The following DPH6 variants were observed in gnomAD, a reference collection of about 807,000 sequenced individuals.
The protein encoded by DPH6 is diphthamine biosynthesis 6, also known as diphthine--ammonia ligase.
A neutral mutation model predicts 38.2 loss-of-function variants in DPH6; 33 were observed. The ratio of observed to expected loss-of-function variants is 0.86; its 90% confidence interval spans 0.65 to 1.15. The LOEUF (loss-of-function observed/expected upper bound fraction) is 1.15. DPH6 is among the 50% of genes most tolerant of loss of function. The pLI, the probability that DPH6 is intolerant of heterozygous loss-of-function variation, is 0.00. For missense variants in DPH6, 325 were observed against 320.0 expected (o/e 1.02, Z -0.12); for synonymous variants, 108 against 103.0 (o/e 1.05, Z -0.30).
At chr15:35,495,405 G>A (rs2054536289) in intron 3 of DPH6, among the ~76,000 whole-genome samples, 1 of 152,110 alleles carries the variant, frequency 6.6e-6, no homozygotes, top group African/African-American at 2.4e-5. Context: ...GATCTTGGAC[G>A]CTCCAGAAGT....
intron 3 of DPH6, among the ~76,000 whole-genome samples, chr15:35,276,967 AGAT>A (rs1566857535): frequency 6.6e-6 from 1 of 152,134 alleles, no homozygotes; most frequent in African/African-American, 2.4e-5. Context: ...CTGTGAAGAA[AGAT>A]GATGATATTT....
At chr15:35,522,404 A>G (rs1431546894) in intron 3 of DPH6, 6 of 856,018 alleles carry the variant, frequency 7.0e-6, no homozygotes, top group Non-Finnish European at 8.7e-6. Context: ...TATTAATACA[A>G]CAGGACTGCA....
At chr15:35,297,096 C>T (rs2052020890) in intron 3 of DPH6, among the ~76,000 whole-genome samples, 1 of 152,174 alleles carries the variant, frequency 6.6e-6, no homozygotes, top group Non-Finnish European at 1.5e-5. Flanking sequence ...ACCTATCTTG[C>T]CAACACACAG....
At chr15:35,398,497 A>G (rs2053175441) in intron 6 of DPH6, among the ~76,000 whole-genome samples, 1 of 150,886 alleles carries the variant, frequency 6.6e-6, no homozygotes, top group Non-Finnish European at 1.5e-5. Context: ...CAGATCGCTG[A>G]TCACATGGAG....
chr15:35,503,991 T>C (rs530581827), intron 3 of DPH6, among the ~76,000 whole-genome samples: 1 of 152,246 alleles, frequency 6.6e-6, no homozygotes, highest in Non-Finnish European at 1.5e-5. Context: ...ATCTCTACCA[T>C]CAATTTATCC....
intron 3 of DPH6, chr15:35,237,151 T>C (rs2051558302): frequency 1.7e-6 from 1 of 601,766 alleles, no homozygotes; most frequent in Admixed American, 3.0e-5. Context: ...CTCTCCCAGT[T>C]TCCTTATTTA....
chr15:35,457,402 T>G (rs190138363), intron 3 of DPH6, among the ~76,000 whole-genome samples: 12 of 151,996 alleles, frequency 7.9e-5, no homozygotes, highest in Admixed American at 6.6e-4. Context: ...CAAGTGATTC[T>G]TGTGCCTCAG....
At chr15:35,526,212 G>C (rs1019037002) in intron 3 of DPH6, among the ~76,000 whole-genome samples, 3 of 152,154 alleles carry the variant, frequency 2.0e-5, no homozygotes, top group Admixed American at 2.0e-4. Flanking sequence ...ACCTAGGAAA[G>C]AATCCGTAAG....
chr15:35,542,594 C>T, intron 1 of DPH6, 87 bp from the exon 2 acceptor site: 5 of 1,226,556 alleles, frequency 4.1e-6, no homozygotes, highest in East Asian at 2.4e-5. Flanking sequence ...CAGAACATAT[C>T]ATTTACTTGA....
intron 3 of DPH6, among the ~76,000 whole-genome samples, chr15:35,233,187 T>C (rs1362998640): frequency 6.6e-6 from 1 of 152,154 alleles, no homozygotes; most frequent in African/African-American, 2.4e-5. Context: ...CGGGCACCTG[T>C]AATCCCAGCT....
chr15:35,412,636 T>C lies in DPH6; in HGVS notation c.506-1740A>G, dbSNP rs138748801. Among the ~76,000 whole-genome samples the C allele has an allele frequency of 7.6e-3, 1,151 of 151,778 alleles. 15 individuals are homozygous for C. The highest frequency in any genetic ancestry group is 0.026 in the African/African-American group (1,073 of 41,488). Reference sequence around the variant, plus strand: ...TGTGTATATCCAGACAATGAAATATTATTCAGTGCTAAAAAGAAAGCAGCT... The same window carrying C: ...TGTGTATATCCAGACAATGAAATATCATTCAGTGCTAAAAAGAAAGCAGCT... On this transcript the variant is annotated intron_variant, in intron 5 of 8. Transcript: ENST00000256538.
At chr15:35,485,640 T>A (rs2054387633) in intron 3 of DPH6, among the ~76,000 whole-genome samples, 1 of 152,228 alleles carries the variant, frequency 6.6e-6, no homozygotes, top group Non-Finnish European at 1.5e-5. Flanking sequence ...TAAAACTTCC[T>A]TGCCCATGCT....
At chr15:35,405,296 T>A (rs138770705) in intron 6 of DPH6, among the ~76,000 whole-genome samples, 335 of 152,260 alleles carry the variant, frequency 2.2e-3, no homozygotes, top group African/African-American at 7.7e-3. Flanking sequence ...CAGATTGCTT[T>A]AGGTAGTATG....
At chr15:35,426,221 A>T (rs1314864092) in intron 5 of DPH6, among the ~76,000 whole-genome samples, 3 of 151,774 alleles carry the variant, frequency 2.0e-5, no homozygotes, top group Non-Finnish European at 4.4e-5. Context: ...AAATTCAAAA[A>T]TTCTCTGCTA....
intron 3 of DPH6, among the ~76,000 whole-genome samples, chr15:35,301,705 T>C (rs558029489): frequency 2.5e-4 from 38 of 152,266 alleles, no homozygotes; most frequent in African/African-American, 8.7e-4. Flanking sequence ...GCGTGGTGGC[T>C]CATGCCTCTG....
intron 3 of DPH6, among the ~76,000 whole-genome samples, chr15:35,317,038 G>T (rs1020293902): frequency 1.3e-5 from 2 of 152,116 alleles, no homozygotes; most frequent in African/African-American, 4.8e-5. Context: ...CAGGCAGATT[G>T]CTTGAGCCAA....
chr15:35,271,257 C>CAAAT (rs2051820664), intron 3 of DPH6, among the ~76,000 whole-genome samples: 1 of 152,094 alleles, frequency 6.6e-6, no homozygotes, highest in Admixed American at 6.6e-5. Context: ...AACAAACAAA[C>CAAAT]AAACACACAA....
the DPH6 span, among the ~76,000 whole-genome samples, chr15:35,161,905 C>T: frequency 6.6e-6 from 1 of 151,890 alleles, no homozygotes; most frequent in Non-Finnish European, 1.5e-5. Context: ...CTGACTAATA[C>T]ACTCCTCTTT....
rs1345131620 is a variant in DPH6, at chr15:35,393,808, CAATT to C, written c.568-11896_568-11893del. On this transcript the variant is annotated intron_variant, in intron 6 of 8. Coordinates refer to ENST00000256538, the MANE Select transcript of DPH6 (RefSeq NM_080650.4). ...GTGTCCTGAACTCCATCAAAATTAA[CAATT>C]AATTGAATGGAGGATTGAGGAAAGT... Among the ~76,000 whole-genome samples, 3 of 152,076 alleles carry C rather than the reference CAATT, an allele frequency of 2.0e-5. No individual in the cohort carries two copies. The South Asian group carries it at 6.2e-4, about 32-fold the overall frequency.
Sources: gnomAD v4.1 joint callset for allele counts (sites outside exome capture counted in the v4.1 genomes callset) on GRCh38, gnomAD v4.1.1 for gene constraint, MANE v1.5 for transcripts, NCBI Gene and HGNC (gene_info 2026-07-23, HGNC 2026-07-21) for gene names.